Variants in CRYAB observed in about 807,000 individuals in gnomAD.
The protein encoded by CRYAB is alpha-crystallin B chain.
A neutral mutation model predicts 12.7 loss-of-function variants in CRYAB; 9 were observed. The observed-to-expected ratio is 0.71, with a 90% CI of 0.43 to 1.24. The LOEUF (loss-of-function observed/expected upper bound fraction) is 1.24, where lower values mean the gene tolerates loss of function less well. Among genes scored for constraint, CRYAB ranks in the 50% most tolerant of loss-of-function variants. CRYAB has a pLI of 0.00. For synonymous variants in CRYAB, 93 were observed against 86.8 expected (o/e 1.07, Z -0.40); for missense variants, 183 against 226.6 (o/e 0.81, Z 1.24).
At chr11:111,912,531 C>G, upstream of CRYAB, 1 of 487,674 alleles carries the variant, frequency 2.1e-6, no homozygotes, top group Non-Finnish European at 3.7e-6. Context: ...CACCAGCTCC[C>G]CCTCCCCAGC....
At chr11:111,912,705 AT>A (rs1437447917), upstream of CRYAB, 83 of 367,246 alleles carry the variant, frequency 2.3e-4, 2 homozygotes, top group Middle Eastern at 2.8e-3. Flanking sequence ...GCTCGGCACT[AT>A]TTTGGGTGGT....
At position 111,910,488 on chromosome 11, in the gene CRYAB, A is replaced by G. The variant is rs782169745; in HGVS notation, c.202-39T>C. On this transcript the variant is annotated intron_variant, in intron 1 of 2. Coordinates refer to ENST00000650687, the MANE Select transcript of CRYAB (RefSeq NM_001289808.2). Reference sequence around the variant, plus strand: ...GGTAAGGGAATGGGATGGGAGAAAGAGGGCAAAAATACTGATTACACAGGT... The same window carrying G: ...GGTAAGGGAATGGGATGGGAGAAAGGGGGCAAAAATACTGATTACACAGGT... 18 of 1,613,398 alleles carry G rather than the reference A, an allele frequency of 1.1e-5. No homozygotes were observed. The South Asian group carries it at 1.9e-4, about 17-fold the overall frequency.
chr11:111,909,216 A>G, intron 2 of CRYAB: 1 of 570,566 alleles, frequency 1.8e-6, no homozygotes, highest in Non-Finnish European at 3.3e-6. Context: ...CCTGAGGCAT[A>G]GATATGTTTA....
At chr11:111,909,860 C>T in intron 2 of CRYAB, 2 of 414,212 alleles carry the variant, frequency 4.8e-6, no homozygotes, top group Non-Finnish European at 8.8e-6. Flanking sequence ...AGCCCTATAC[C>T]TAATCAGTGG....
intron 1 of CRYAB, among the ~76,000 whole-genome samples, chr11:111,920,673 A>C (rs1053944059): frequency 6.6e-6 from 1 of 152,154 alleles, no homozygotes; most frequent in African/African-American, 2.4e-5. Context: ...CTGAGGCAGG[A>C]GGATCACCTG....
intron 2 of CRYAB, 39 bp from the exon 3 acceptor site, chr11:111,909,006 A>T: frequency 6.2e-7 from 1 of 1,607,422 alleles, no homozygotes; most frequent in South Asian, 1.1e-5. Flanking sequence ...GAGAGATAAG[A>T]ACAGGAACTA....
At chr11:111,918,311 A>T (rs1418608341), upstream of CRYAB, 1 of 170,168 alleles carries the variant, frequency 5.9e-6, no homozygotes, top group African/African-American at 2.4e-5. Flanking sequence ...TCATAGAATC[A>T]TCTGATTTTA....
chr11:111,919,940 A>C (rs1444405742), intron 1 of CRYAB, among the ~76,000 whole-genome samples: 12 of 152,178 alleles, frequency 7.9e-5, no homozygotes, highest in African/African-American at 2.9e-4. Context: ...TCACGCCTGT[A>C]ATCCCAGAAC....
At chr11:111,920,598 T>C (rs1555166479) in intron 1 of CRYAB, among the ~76,000 whole-genome samples, 2 of 151,430 alleles carry the variant, frequency 1.3e-5, no homozygotes, top group East Asian at 3.9e-4. Context: ...GCCCCATCTC[T>C]ACAAAAAAAT....
At chr11:111,909,837 C>G (rs1035349010) in intron 2 of CRYAB, 15 of 314,128 alleles carry the variant, frequency 4.8e-5, no homozygotes, top group African/African-American at 3.2e-4. Context: ...TGCAAAGCAA[C>G]TAGGTGTCTG....
chr11:111,913,263 TTTCCCCTC>T, upstream of CRYAB: 1 of 642,128 alleles, frequency 1.6e-6, no homozygotes, highest in Non-Finnish European at 2.8e-6. Context: ...TTCCGTTCTC[TTTCCCCTC>T]TTCCGAGCTG....
At chr11:111,921,047 C>T (rs781960560) in intron 1 of CRYAB, among the ~76,000 whole-genome samples, 12 of 152,080 alleles carry the variant, frequency 7.9e-5, no homozygotes, top group Admixed American at 3.3e-4. Context: ...ACTGCCATGC[C>T]GTAAATTCCT....
chr11:111,922,007 A>AT (rs1965708781), intron 1 of CRYAB, among the ~76,000 whole-genome samples: 2 of 152,206 alleles, frequency 1.3e-5, no homozygotes, highest in East Asian at 3.9e-4. Context: ...TAATTTTTGT[A>AT]TTTTTAGCAG....
chr11:111,915,618 T>A (rs79123364), upstream of CRYAB, among the ~76,000 whole-genome samples: 5 of 152,342 alleles, frequency 3.3e-5, no homozygotes, highest in South Asian at 2.1e-4. Flanking sequence ...TATAAGAAAT[T>A]TGAAAACTTC....
At chr11:111,911,168 G>A (rs1555165500) in intron 1 of CRYAB, among the ~76,000 whole-genome samples, 2 of 152,140 alleles carry the variant, frequency 1.3e-5, no homozygotes, top group African/African-American at 4.8e-5. Flanking sequence ...AACCTGAGAT[G>A]GTAAAATCGG....
At chr11:111,915,284 G>A (rs1965580721), upstream of CRYAB, among the ~76,000 whole-genome samples, 1 of 152,096 alleles carries the variant, frequency 6.6e-6, no homozygotes, top group Non-Finnish European at 1.5e-5. Flanking sequence ...CAGGATAACA[G>A]AACTCACTTG....
chr11:111,918,552 AC>A (rs1965632380), intron 1 of CRYAB: 3 of 484,262 alleles, frequency 6.2e-6, no homozygotes, highest in Non-Finnish European at 1.1e-5. Context: ...ACTCAGTTAA[AC>A]CTGAGTGGTG....
At chr11:111,920,217 G>T (rs376472508) in intron 1 of CRYAB, among the ~76,000 whole-genome samples, 2 of 151,454 alleles carry the variant, frequency 1.3e-5, no homozygotes, top group African/African-American at 4.9e-5. Flanking sequence ...AAATAAAATA[G>T]AATAAAATAA....
At chr11:111,922,173 G>A (rs1289525153) in intron 1 of CRYAB, among the ~76,000 whole-genome samples, 1 of 152,170 alleles carries the variant, frequency 6.6e-6, no homozygotes, top group Non-Finnish European at 1.5e-5. Context: ...GAAGCCCAGA[G>A]AAGTTAAAAA....
Sources: allele counts gnomAD v4.1 joint callset (sites outside exome capture counted in the v4.1 genomes callset), GRCh38; gene constraint gnomAD v4.1.1; transcripts MANE v1.5; gene names NCBI Gene and HGNC (gene_info 2026-07-23, HGNC 2026-07-21).